The following VGLL3 variants were observed in gnomAD, a reference collection of about 807,000 sequenced individuals.
The protein encoded by VGLL3 is vestigial like family member 3, also known as transcription cofactor vestigial-like protein 3.
In VGLL3, 18 loss-of-function variants were observed where a neutral mutation model predicts 29.2. The observed-to-expected ratio is 0.62, with a 90% CI of 0.43 to 0.91. The LOEUF is 0.91. VGLL3 is among the 40% of genes least tolerant of loss of function. VGLL3 has a pLI of 0.00. For synonymous variants in VGLL3, 180 were observed against 151.8 expected, an observed-to-expected ratio of 1.19 and a Z score of -1.36; for missense variants, 440 against 413.2, an observed-to-expected ratio of 1.06 and a Z score of -0.56.
At position 86,942,354 on chromosome 3, in the gene VGLL3, T is replaced by C. The variant is rs1057355158; in HGVS notation, c.*4670A>G. 5 of 152,170 alleles carry C rather than the reference T, an allele frequency of 3.3e-5. No individual in the cohort carries two copies. Among genetic ancestry groups the C allele is most frequent in the Non-Finnish European group, 2.9e-5 (2 of 68,034 alleles). 9.4% of individuals were successfully genotyped at this position (152,170 alleles called of 1,614,324 possible). A position where few individuals can be genotyped will look rare whatever the true frequency, so the allele number is the denominator to read the frequency against. On this transcript the variant is annotated 3_prime_UTR_variant, in exon 4 of 4. Coordinates refer to ENST00000398399, the MANE Select transcript of VGLL3 (RefSeq NM_016206.4). The stretch of plus-strand genomic sequence containing the variant: ...TCAAGTGAACTCCTTCCGTCTTCAA[T>C]AACTGACACAGTGTCAACATCTGCT...
chr3:86,953,879 G>A (rs980438586), intron 3 of VGLL3, among the ~76,000 whole-genome samples: 1 of 152,000 alleles, frequency 6.6e-6, no homozygotes, highest in Non-Finnish European at 1.5e-5. Flanking sequence ...TATTTAATAT[G>A]CAAATTTTGA....
At chr3:86,957,946 A>C (rs1253310347) in intron 3 of VGLL3, among the ~76,000 whole-genome samples, 3 of 152,148 alleles carry the variant, frequency 2.0e-5, no homozygotes, top group Non-Finnish European at 4.4e-5. Flanking sequence ...CTGCAGCCCC[A>C]AAAGAAAACA....
chr3:86,947,042 C>T lies in VGLL3; in HGVS notation c.963G>A (p.Lys321=), dbSNP rs773253573. The T allele has an allele frequency of 1.9e-4, 146 of 780,550 alleles. No individual in the cohort carries two copies. In the Middle Eastern group the frequency reaches 4.7e-3, roughly 25 times the overall value. 48.4% of individuals were successfully genotyped at this position (780,550 alleles called of 1,614,324 possible). A position where few individuals can be genotyped will look rare whatever the true frequency, so the allele number is the denominator to read the frequency against. ...DTGLQHQDKS[K]ESPWY is the part of the protein sequence containing the mutation. ...GTGTGTTTCAGTACCACGGTGATTC[C>T]TTACTCTTGTCTTGATGCTGTAGAC... The change falls in exon 4 of 4, where the codon AAG becomes AAA. Residue 321 remains lysine, a synonymous_variant. Transcript: ENST00000398399.
rs965511325 is a variant in VGLL3 at position 86,944,630 on chromosome 3, G to A, written c.*2394C>T. On this transcript the variant is annotated 3_prime_UTR_variant, in exon 4 of 4. Coordinates refer to ENST00000398399, the MANE Select transcript of VGLL3 (RefSeq NM_016206.4). ...GAAACCAGGTTCCCAACATTTCTCAGTTCCTCAGAGCCAATAAACTTTTTG... is the reference window on the plus strand; with the variant it reads ...GAAACCAGGTTCCCAACATTTCTCAATTCCTCAGAGCCAATAAACTTTTTG... The A allele has an allele frequency of 1.3e-5, 2 of 152,180 alleles. No individual in the cohort carries two copies. Among genetic ancestry groups the A allele is most frequent in the Non-Finnish European group, 2.9e-5 (2 of 68,072 alleles). 9.4% of individuals were successfully genotyped at this position (152,180 alleles called of 1,614,324 possible).
At chr3:86,949,645 T>C (rs1704574683) in intron 3 of VGLL3, among the ~76,000 whole-genome samples, 1 of 151,182 alleles carries the variant, frequency 6.6e-6, no homozygotes, top group African/African-American at 2.4e-5. Flanking sequence ...GCTAACACGG[T>C]GAAACCCTGT....
chr3:86,979,650 C>A (rs1366459392), intron 1 of VGLL3, among the ~76,000 whole-genome samples: 1 of 152,044 alleles, frequency 6.6e-6, no homozygotes, highest in Non-Finnish European at 1.5e-5. Flanking sequence ...GCTATTAATA[C>A]TATCCATATT....
chr3:86,989,285 A>T (rs1232708884), intron 1 of VGLL3, among the ~76,000 whole-genome samples: 1 of 152,220 alleles, frequency 6.6e-6, no homozygotes, highest in South Asian at 2.1e-4. Context: ...AATATCAGAG[A>T]TGCTTTGAAA....
rs1704414355 is a variant in VGLL3, at chr3:86,942,233, T to C, written c.*4791A>G. ...TAAACTGGCAGGCTGATTTCATTTC[T>C]GATCCCATACAGTTTCTGCTGTCTT... On this transcript the variant is annotated 3_prime_UTR_variant, in exon 4 of 4. Transcript: ENST00000398399. The C allele has an allele frequency of 6.6e-6, 1 of 152,168 alleles. No homozygotes were observed. The highest frequency in any genetic ancestry group is 1.5e-5 in the Non-Finnish European group (1 of 68,020). 9.4% of individuals were successfully genotyped at this position (152,168 alleles called of 1,614,324 possible).
chr3:86,971,699 T>C (rs1020158689), intron 2 of VGLL3, among the ~76,000 whole-genome samples: 6 of 152,228 alleles, frequency 3.9e-5, no homozygotes, highest in East Asian at 1.9e-4. Flanking sequence ...GTCGTGTAAG[T>C]TGTAAGAAGA....
chr3:86,947,551 T>C (rs1245581043), intron 3 of VGLL3, among the ~76,000 whole-genome samples: 1 of 152,184 alleles, frequency 6.6e-6, no homozygotes, highest in East Asian at 1.9e-4. Context: ...GGGATTACTA[T>C]AAACTATGTG....
chr3:86,981,635 T>C (rs1705325860), intron 1 of VGLL3, among the ~76,000 whole-genome samples: 1 of 152,076 alleles, frequency 6.6e-6, no homozygotes, highest in Non-Finnish European at 1.5e-5. Flanking sequence ...ATATACTTTC[T>C]TTTTTCTTTT....
chr3:86,948,631 C>T (rs972645886), intron 3 of VGLL3, among the ~76,000 whole-genome samples: 13 of 152,106 alleles, frequency 8.5e-5, no homozygotes, highest in African/African-American at 3.1e-4. Flanking sequence ...TTACAAGTCG[C>T]AATCTCTGTA....
chr3:86,962,584 T>C, intron 3 of VGLL3: 2 of 963,746 alleles, frequency 2.1e-6, no homozygotes, highest in Non-Finnish European at 1.2e-6. Context: ...TTAAATATTT[T>C]AAAAATTGCA....
rs1029009885 is a variant in VGLL3 at position 86,991,032 on chromosome 3, G to C, written c.-289C>G. On this transcript the variant is annotated 5_prime_UTR_variant, in exon 1 of 4. Coordinates refer to ENST00000398399, the MANE Select transcript of VGLL3 (RefSeq NM_016206.4). ...GACGCAGCCGCCCGCTGCGCCGCTG[G>C]GGCATTACCGCGTCCGGCTCCCGCG... is the stretch of plus-strand genomic sequence containing the variant. The C allele has an allele frequency of 2.7e-6, 2 of 734,932 alleles. No homozygotes were observed. Among genetic ancestry groups the C allele is most frequent in the Non-Finnish European group, 3.4e-6 (2 of 596,674 alleles). 45.5% of individuals were successfully genotyped at this position (734,932 alleles called of 1,614,324 possible).
chr3:86,978,694 C>A lies in VGLL3; in HGVS notation c.235G>T (p.Ala79Ser). Residue 79 changes from alanine (A) to serine (S), a missense_variant, in exon 2 of 4, where the codon GCC becomes TCC. By Grantham distance (99) the Ala-to-Ser change is moderately conservative. Coordinates refer to ENST00000398399, the MANE Select transcript of VGLL3 (RefSeq NM_016206.4). ...EEEEEEKDQP[A>S]EMEYLNSRCV... is the part of the protein sequence containing the mutation. ...CGAGAGTTAAGGTACTCCATCTCGG[C>A]AGGCTGGTCTTTCTCCTCCTCCTCC... 6.2e-7 allele frequency: 1 copy of A among 1,614,106 alleles called. No homozygotes were observed. The highest frequency in any genetic ancestry group is 1.3e-5 in the African/African-American group (1 of 75,030).
chr3:86,987,794 C>T (rs1559736250), intron 1 of VGLL3, among the ~76,000 whole-genome samples: 1 of 149,872 alleles, frequency 6.7e-6, no homozygotes. Flanking sequence ...TAACACACTG[C>T]AGTGCAAGCT....
chr3:86,950,117 T>C lies in VGLL3; in HGVS notation c.938-3050A>G, dbSNP rs115602412. Among the ~76,000 whole-genome samples, 714 of 152,278 alleles carry C rather than the reference T, an allele frequency of 4.7e-3. 4 individuals are homozygous for C. The highest frequency in any genetic ancestry group is 6.5e-3 in the Non-Finnish European group (439 of 68,022). Reference sequence around the variant, plus strand: ...CCTCACTTACCCAAATCAAACCTACTTGAAATTAATTCATAACATATCCTG... The same window carrying C: ...CCTCACTTACCCAAATCAAACCTACCTGAAATTAATTCATAACATATCCTG... On this transcript the variant is annotated intron_variant, in intron 3 of 3. Coordinates refer to ENST00000398399, the MANE Select transcript of VGLL3 (RefSeq NM_016206.4).
intron 2 of VGLL3, among the ~76,000 whole-genome samples, chr3:86,970,491 A>G (rs1277965321): frequency 3.5e-5 from 4 of 114,454 alleles, no homozygotes; most frequent in South Asian, 2.4e-4. Flanking sequence ...ACGCACACAC[A>G]CACACACACA....
At chr3:86,990,298 A>T in intron 1 of VGLL3, 1 of 985,182 alleles carries the variant, frequency 1.0e-6, no homozygotes, top group South Asian at 4.7e-5. Context: ...AAGTTTACTC[A>T]CATGGTCCTA....
Sources: allele counts gnomAD v4.1 joint callset (sites outside exome capture counted in the v4.1 genomes callset), GRCh38; gene constraint gnomAD v4.1.1; transcripts MANE v1.5; gene names NCBI Gene and HGNC (gene_info 2026-07-23, HGNC 2026-07-21).